DGKI: variants seen among roughly 807,000 people sequenced by gnomAD.
DGKI encodes the protein diacylglycerol kinase iota.
In DGKI, 55 loss-of-function variants were observed where a neutral mutation model predicts 147.5. That is an observed-to-expected ratio of 0.37 (90% confidence interval 0.30 to 0.47). The LOEUF (loss-of-function observed/expected upper bound fraction) is 0.47, where lower values mean the gene tolerates loss of function less well. Among genes scored for constraint, DGKI ranks in the 20% least tolerant of loss-of-function variants. The pLI, the probability that DGKI is intolerant of heterozygous loss-of-function variation, is 1.00. For missense variants in DGKI, 1,007 were observed against 1,323.8 expected (o/e 0.76, Z 3.71); for synonymous variants, 469 against 477.1 (o/e 0.98, Z 0.22).
intron 21 of DGKI, among the ~76,000 whole-genome samples, chr7:137,502,923 C>T (rs928613583): frequency 1.3e-5 from 2 of 152,070 alleles, no homozygotes; most frequent in African/African-American, 2.4e-5. Flanking sequence ...GATGGACTCA[C>T]GAGTCCCATA....
At chr7:137,609,455 C>T (rs1459663226) in intron 9 of DGKI, 80 bp downstream of exon 9, 7 of 1,088,428 alleles carry the variant, frequency 6.4e-6, no homozygotes, top group Non-Finnish European at 8.3e-6. Context: ...GAAAAATCAA[C>T]TTGGACCAGA....
chr7:137,846,161 T>TCACA lies in DGKI; in HGVS notation c.401+297_401+300dup, dbSNP rs58484819. 5.6e-3 allele frequency among the ~76,000 whole-genome samples: 610 copies of TCACA among 108,200 alleles called. 6 individuals are homozygous for TCACA. Among genetic ancestry groups the TCACA allele is most frequent in the Middle Eastern group, 0.022 (4 of 186 alleles). The allele number at this position is 108,200 out of a possible 152,430, so 71.0% of individuals were successfully genotyped here. A position where few individuals can be genotyped will look rare whatever the true frequency, so the allele number is the denominator to read the frequency against. On this transcript the variant is annotated intron_variant, in intron 1 of 32. Coordinates refer to ENST00000614521, the MANE Select transcript of DGKI (RefSeq NM_001321708.2). This position sits in a 1 kb window ranked among gnomAD's most constrained non-coding sequence, Gnocchi z 4.0. ...CTCTCTCTCTCTCTCTCTCTCTCTC[T>TCACA]CACACACACACACACACACACACAC... is the stretch of plus-strand genomic sequence containing the variant.
chr7:137,759,289 C>T (rs1795783387), intron 1 of DGKI, among the ~76,000 whole-genome samples: 1 of 151,856 alleles, frequency 6.6e-6, no homozygotes, highest in African/African-American at 2.4e-5. Context: ...ATCCATTTTG[C>T]TGCAAATGAC....
At chr7:137,769,198 G>A (rs926214671) in intron 1 of DGKI, among the ~76,000 whole-genome samples, 4 of 152,186 alleles carry the variant, frequency 2.6e-5, no homozygotes, top group African/African-American at 7.2e-5. Flanking sequence ...AAAAGAAGCC[G>A]AGACGTGTTA....
intron 28 of DGKI, among the ~76,000 whole-genome samples, chr7:137,434,685 C>G (rs985325309): frequency 6.6e-6 from 1 of 152,034 alleles, no homozygotes; most frequent in African/African-American, 2.4e-5. Context: ...ACAAAGCATT[C>G]CAGAAAAACC....
In DGKI at chr7:137,475,690, C is replaced by T. The variant is rs1483892194; in HGVS notation, c.2374-6071G>A. ...CATGGACCATGTCGTTAAAGGGTGGCCACTACACTAGGAACCAGTCTAGGT... is the reference window on the plus strand; with the variant it reads ...CATGGACCATGTCGTTAAAGGGTGGTCACTACACTAGGAACCAGTCTAGGT... On this transcript the variant is annotated intron_variant, in intron 23 of 32. Transcript: ENST00000614521. Among the ~76,000 whole-genome samples the T allele has an allele frequency of 2.6e-5, 4 of 152,284 alleles. No homozygotes were observed. The East Asian group carries it at 7.7e-4, about 29-fold the overall frequency.
intron 20 of DGKI, among the ~76,000 whole-genome samples, chr7:137,547,611 T>C (rs138696932): frequency 1.3e-5 from 2 of 152,314 alleles, no homozygotes; most frequent in East Asian, 3.9e-4. Context: ...GACAGCATTA[T>C]AGAATGGATT....
chr7:137,829,045 C>T (rs1798145616), intron 1 of DGKI, among the ~76,000 whole-genome samples: 1 of 152,196 alleles, frequency 6.6e-6, no homozygotes, highest in African/African-American at 2.4e-5. Context: ...AACCTTTATT[C>T]TACCTCCAAG....
At chr7:137,440,162 G>T (rs542382412) in intron 28 of DGKI, among the ~76,000 whole-genome samples, 1 of 152,310 alleles carries the variant, frequency 6.6e-6, no homozygotes, top group East Asian at 1.9e-4. Flanking sequence ...ATTCAATACA[G>T]AGGAAATGCA....
chr7:137,604,853 T>C (rs1197996781), intron 10 of DGKI, among the ~76,000 whole-genome samples: 3 of 151,944 alleles, frequency 2.0e-5, no homozygotes, highest in African/African-American at 7.3e-5. Context: ...TGCTAATGAG[T>C]CCAGGACCTC....
intron 27 of DGKI, among the ~76,000 whole-genome samples, chr7:137,452,354 C>T (rs1208713906): frequency 6.6e-6 from 1 of 152,188 alleles, no homozygotes; most frequent in African/African-American, 2.4e-5. Flanking sequence ...ACGGGCCTGA[C>T]TGAAATAGCC....
At chr7:137,449,994 A>C (rs1813888749) in intron 27 of DGKI, among the ~76,000 whole-genome samples, 1 of 152,232 alleles carries the variant, frequency 6.6e-6, no homozygotes, top group Admixed American at 6.5e-5. Context: ...ACATCAATGA[A>C]CCTGAAGGAT....
rs751171920 is a variant in DGKI, at chr7:137,608,966, C to T, written c.1167G>A (p.Gln389=). Residue 389 remains glutamine, a splice_region_variant and synonymous_variant, in exon 10 of 33, where the codon CAG becomes CAA. Coordinates refer to ENST00000614521, the MANE Select transcript of DGKI (RefSeq NM_001321708.2). ...VFVNPKSGGN[Q]GTKVLQMFMW... ...TTGAAAATCATGAAAAATTACTCAC[C>T]TGGTTGCCTCCACTCTTGGGATTCA... The T allele has an allele frequency of 3.7e-6, 6 of 1,607,026 alleles. No individual in the cohort carries two copies. Among genetic ancestry groups the T allele is most frequent in the Non-Finnish European group, 5.1e-6 (6 of 1,173,970 alleles).
Position 137,835,192 on chromosome 7 carries a change from T to C in DGKI, c.401+11270A>G, listed in dbSNP as rs527265114. ...CCCAGAGTATTTCATTGAGATGGTA[T>C]CGGTGAATGTCAAATACAGCCTCAA... On this transcript the variant is annotated intron_variant, in intron 1 of 32. Transcript: ENST00000614521. 3.9e-5 allele frequency among the ~76,000 whole-genome samples: 6 copies of C among 152,312 alleles called. No individual in the cohort carries two copies. The East Asian group carries it at 9.6e-4, about 24-fold the overall frequency.
intron 1 of DGKI, among the ~76,000 whole-genome samples, chr7:137,735,821 G>A (rs552348276): frequency 6.6e-6 from 1 of 152,188 alleles, no homozygotes; most frequent in South Asian, 2.1e-4. Flanking sequence ...CAGCAACAGG[G>A]AAGAACAACA....
intron 21 of DGKI, among the ~76,000 whole-genome samples, chr7:137,519,425 T>C (rs1033792583): frequency 6.6e-6 from 1 of 151,984 alleles, no homozygotes. Flanking sequence ...CATCAAGAAA[T>C]GGAACTAACT....
intron 21 of DGKI, chr7:137,513,901 C>T (rs573964464): frequency 6.5e-5 from 47 of 718,146 alleles, no homozygotes; most frequent in African/African-American, 5.1e-4. Context: ...CAGGCTGAAG[C>T]GCAAAAGAAG....
chr7:137,483,126 T>C (rs973734799), intron 23 of DGKI, among the ~76,000 whole-genome samples: 15 of 152,122 alleles, frequency 9.9e-5, no homozygotes, highest in African/African-American at 3.6e-4. Flanking sequence ...CTCACTCATA[T>C]TGTAGTATCT....
At chr7:137,818,292 G>A (rs1797796342) in intron 1 of DGKI, among the ~76,000 whole-genome samples, 1 of 152,156 alleles carries the variant, frequency 6.6e-6, no homozygotes, top group Admixed American at 6.5e-5. Flanking sequence ...ATATTTAGGA[G>A]TCCAGAAATG....
Sources: allele counts gnomAD v4.1 joint callset (sites outside exome capture counted in the v4.1 genomes callset), GRCh38; gene constraint gnomAD v4.1.1; non-coding constraint Gnocchi (gnomAD v3.1); transcripts MANE v1.5; gene names NCBI Gene and HGNC (gene_info 2026-07-23, HGNC 2026-07-21).